Variants in LRRC37A2 observed in about 807,000 individuals in gnomAD.
LRRC37A2 encodes the protein leucine rich repeat containing 37 member A2, also known as leucine-rich repeat-containing protein 37A2.
LRRC37A2 carries 9 observed loss-of-function variants against 68.8 expected under a neutral mutation model. That is an observed-to-expected ratio of 0.13 (90% confidence interval 0.08 to 0.23). The LOEUF is 0.23. Ranked by LOEUF, LRRC37A2 falls within the 10% of genes least tolerant of loss-of-function variation. LRRC37A2 has a pLI of 1.00. For missense variants in LRRC37A2, 168 were observed against 950.4 expected (o/e 0.18, Z 10.82); for synonymous variants, 63 against 367.6 (o/e 0.17, Z 9.48).
At chr17:46,978,553 A>AGGC in the LRRC37A2 span, 2 of 1,436,128 alleles carry the variant, frequency 1.4e-6, no homozygotes, top group African/African-American at 1.5e-5. Flanking sequence ...GCCCGCCCGG[A>AGGC]GGCGGCGGCA....
the LRRC37A2 span, among the ~76,000 whole-genome samples, chr17:46,953,893 T>C: frequency 1.9e-4 from 29 of 152,374 alleles, no homozygotes; most frequent in African/African-American, 6.7e-4. Flanking sequence ...GTTGTTTTTT[T>C]CTTGTAAATT....
chr17:46,717,187 T>C, the LRRC37A2 span, among the ~76,000 whole-genome samples: 1 of 152,166 alleles, frequency 6.6e-6, no homozygotes, highest in Non-Finnish European at 1.5e-5. Context: ...CCTTGTCATT[T>C]GCAACAACAT....
chr17:46,765,302 G>A, the LRRC37A2 span, among the ~76,000 whole-genome samples: 2 of 152,322 alleles, frequency 1.3e-5, no homozygotes, highest in East Asian at 3.9e-4. Context: ...GGCGCAGCCA[G>A]GCCACTCGAC....
the LRRC37A2 span, chr17:46,755,867 A>AG: frequency 6.3e-7 from 1 of 1,594,322 alleles, no homozygotes; most frequent in Non-Finnish European, 8.6e-7. Flanking sequence ...GAAGTGACCA[A>AG]GGTGAAGATG....
At chr17:46,878,065 C>T in the LRRC37A2 span, among the ~76,000 whole-genome samples, 1 of 152,230 alleles carries the variant, frequency 6.6e-6, no homozygotes, top group Non-Finnish European at 1.5e-5. Flanking sequence ...CTGGACCAGG[C>T]TGGGGGTTCC....
chr17:46,726,668 C>A, the LRRC37A2 span: 1 of 1,454,352 alleles, frequency 6.9e-7, no homozygotes, highest in Non-Finnish European at 9.7e-7. Flanking sequence ...CAGCTAATAT[C>A]TCAAAAGTTA....
chr17:46,737,006 C>T, the LRRC37A2 span, among the ~76,000 whole-genome samples: 9 of 152,228 alleles, frequency 5.9e-5, no homozygotes, highest in South Asian at 2.1e-4. Flanking sequence ...GAAAGGAGAT[C>T]GGAAGTTTCT....
At chr17:47,044,617 T>A in the LRRC37A2 span, among the ~76,000 whole-genome samples, 1 of 150,528 alleles carries the variant, frequency 6.6e-6, no homozygotes, top group South Asian at 2.1e-4. Context: ...TGATTCCAGA[T>A]GAAAGTTATA....
chr17:46,905,987 A>T, the LRRC37A2 span, among the ~76,000 whole-genome samples: 1 of 152,104 alleles, frequency 6.6e-6, no homozygotes, highest in Non-Finnish European at 1.5e-5. Context: ...GCAGGGCCGG[A>T]TATGGGCTGC....
chr17:46,786,786 T>C, the LRRC37A2 span, among the ~76,000 whole-genome samples: 2 of 152,148 alleles, frequency 1.3e-5, no homozygotes, highest in Non-Finnish European at 1.5e-5. Context: ...TGGGTGATTG[T>C]CATACAGCTC....
the LRRC37A2 span, among the ~76,000 whole-genome samples, chr17:46,765,987 G>A: frequency 6.6e-6 from 1 of 152,200 alleles, no homozygotes; most frequent in Non-Finnish European, 1.5e-5. Context: ...CACAGAGAAG[G>A]GGTTCCGGGT....
At chr17:46,734,238 C>T in the LRRC37A2 span, among the ~76,000 whole-genome samples, 1 of 152,254 alleles carries the variant, frequency 6.6e-6, no homozygotes, top group East Asian at 1.9e-4. Flanking sequence ...GAGTATCTCT[C>T]CATCTATTTG....
the LRRC37A2 span, among the ~76,000 whole-genome samples, chr17:46,837,581 C>T: frequency 3.3e-5 from 5 of 152,118 alleles, no homozygotes; most frequent in African/African-American, 4.8e-5. Context: ...GTGACCTGTC[C>T]GAGGTCATAG....
At chr17:46,871,990 G>A in the LRRC37A2 span, among the ~76,000 whole-genome samples, 6 of 152,168 alleles carry the variant, frequency 3.9e-5, no homozygotes, top group African/African-American at 1.4e-4. Context: ...AGGGAGAGAG[G>A]GATGTCAGGG....
the LRRC37A2 span, chr17:46,486,989 TCTTAACTATTC>T: frequency 1.5e-6 from 1 of 645,374 alleles, no homozygotes; most frequent in Non-Finnish European, 2.3e-6. Context: ...TTGAATATAT[TCTTAACTATTC>T]TTAAATCTTG....
chr17:46,986,254 C>T, the LRRC37A2 span, among the ~76,000 whole-genome samples: 1 of 152,078 alleles, frequency 6.6e-6, no homozygotes, highest in South Asian at 2.1e-4. Context: ...CCGAAGCCTC[C>T]CCAAGCCTAA....
the LRRC37A2 span, among the ~76,000 whole-genome samples, chr17:46,739,109 C>T: frequency 1.3e-5 from 2 of 152,060 alleles, no homozygotes; most frequent in Admixed American, 1.3e-4. Context: ...GTGGCTCACA[C>T]CCGTAATCCC....
chr17:47,001,850 TA>T, the LRRC37A2 span, among the ~76,000 whole-genome samples: 2 of 151,218 alleles, frequency 1.3e-5, no homozygotes, highest in Non-Finnish European at 2.9e-5. Flanking sequence ...GCCTCCCGAG[TA>T]GCTGGGACTA....
the LRRC37A2 span, among the ~76,000 whole-genome samples, chr17:46,971,603 C>G: frequency 2.0e-5 from 3 of 152,188 alleles, no homozygotes; most frequent in African/African-American, 7.2e-5. Context: ...CATGCACTTT[C>G]TCACTTAAAC....
Sources: gnomAD v4.1 joint callset for allele counts (sites outside exome capture counted in the v4.1 genomes callset) on GRCh38, gnomAD v4.1.1 for gene constraint, MANE v1.5 for transcripts, NCBI Gene and HGNC (gene_info 2026-07-23, HGNC 2026-07-21) for gene names.